The following GALNTL6 variants were observed in gnomAD, a reference collection of about 807,000 sequenced individuals.
GALNTL6 encodes polypeptide N-acetylgalactosaminyltransferase-like 6.
GALNTL6 carries 46 observed loss-of-function variants against 73.7 expected under a neutral mutation model. The ratio of observed to expected loss-of-function variants is 0.62; its 90% CI spans 0.49 to 0.80. The LOEUF (loss-of-function observed/expected upper bound fraction) is 0.80. Ranked by LOEUF, GALNTL6 falls within the 30% of genes least tolerant of loss-of-function variation. The pLI is 0.00. For missense variants in GALNTL6, 604 were observed against 755.0 expected (o/e 0.80, Z 2.34); for synonymous variants, 259 against 263.7 (o/e 0.98, Z 0.17).
intron 2 of GALNTL6, among the ~76,000 whole-genome samples, chr4:171,933,063 C>T (rs117439354): frequency 6.6e-6 from 1 of 152,170 alleles, no homozygotes; most frequent in East Asian, 1.9e-4. Flanking sequence ...TGTGTATATG[C>T]TGTATTAAAT....
chr4:172,024,164 C>T (rs1221308787), intron 2 of GALNTL6, among the ~76,000 whole-genome samples: 7 of 151,796 alleles, frequency 4.6e-5, no homozygotes, highest in Non-Finnish European at 1.0e-4. Flanking sequence ...TTGTTCTCTT[C>T]TTCCTCTATG....
intron 2 of GALNTL6, among the ~76,000 whole-genome samples, chr4:171,939,404 C>T (rs1738454030): frequency 6.6e-6 from 1 of 151,716 alleles, no homozygotes; most frequent in Non-Finnish European, 1.5e-5. Context: ...TTTATTACTC[C>T]TTGCTGTATA....
chr4:171,979,451 T>A (rs368929046), intron 2 of GALNTL6, among the ~76,000 whole-genome samples: 1 of 152,006 alleles, frequency 6.6e-6, no homozygotes, highest in Non-Finnish European at 1.5e-5. Flanking sequence ...GGGCTAGAAA[T>A]TGGACAAAAA....
rs1179464858 is a variant in GALNTL6 at position 171,841,194 on chromosome 4, G to T, written c.138+26476G>T. The stretch of plus-strand genomic sequence containing the variant: ...ATACTTATTTCAATAGGCTGAACAT[G>T]TAATAAAGGTTAAAAATAATGTAGC... On this transcript the variant is annotated intron_variant, in intron 2 of 12. Coordinates refer to ENST00000506823, the MANE Select transcript of GALNTL6 (RefSeq NM_001034845.3). Among the ~76,000 whole-genome samples, 6 of 152,068 alleles carry T rather than the reference G, an allele frequency of 3.9e-5. No individual in the cohort carries two copies. In the South Asian group the frequency reaches 1.0e-3, roughly 26 times the overall value.
chr4:172,728,437 T>G (rs1735953987), intron 5 of GALNTL6, among the ~76,000 whole-genome samples: 1 of 152,136 alleles, frequency 6.6e-6, no homozygotes, highest in Non-Finnish European at 1.5e-5. Context: ...TCCACATTGC[T>G]GAAAAAGACA....
chr4:172,684,512 G>A (rs986816475), intron 5 of GALNTL6, among the ~76,000 whole-genome samples: 3 of 152,118 alleles, frequency 2.0e-5, no homozygotes, highest in Non-Finnish European at 4.4e-5. Flanking sequence ...ACACAAAAAA[G>A]TATATGATTA....
intron 2 of GALNTL6, among the ~76,000 whole-genome samples, chr4:171,902,449 A>T (rs1737126663): frequency 6.6e-6 from 1 of 152,204 alleles, no homozygotes; most frequent in Non-Finnish European, 1.5e-5. Context: ...CAATTTGATG[A>T]CAGGCGAGGA....
At chr4:172,751,927 G>T (rs1474130763) in intron 5 of GALNTL6, among the ~76,000 whole-genome samples, 1 of 151,808 alleles carries the variant, frequency 6.6e-6, no homozygotes, top group East Asian at 1.9e-4. Context: ...TCATGACCCT[G>T]CAAGAACTCT....
intron 2 of GALNTL6, among the ~76,000 whole-genome samples, chr4:172,167,952 C>T (rs1362689471): frequency 1.5e-5 from 2 of 132,678 alleles, no homozygotes; most frequent in African/African-American, 3.0e-5. Flanking sequence ...GGCAACAGAG[C>T]GAGACTCCGT....
chr4:172,074,761 A>G (rs1166668716), intron 2 of GALNTL6, among the ~76,000 whole-genome samples: 1 of 152,198 alleles, frequency 6.6e-6, no homozygotes, highest in African/African-American at 2.4e-5. Flanking sequence ...TCAAATTGCA[A>G]AAACGAGAAT....
At chr4:172,728,519 C>T (rs1735961971) in intron 5 of GALNTL6, among the ~76,000 whole-genome samples, 1 of 150,498 alleles carries the variant, frequency 6.6e-6, no homozygotes, top group South Asian at 2.1e-4. Context: ...TATATATGTA[C>T]ATATACAATG....
intron 2 of GALNTL6, among the ~76,000 whole-genome samples, chr4:171,879,983 A>T (rs1313471252): frequency 1.3e-5 from 2 of 152,198 alleles, no homozygotes; most frequent in East Asian, 3.8e-4. Flanking sequence ...ATAAACAACC[A>T]TTATTGAGGC....
At chr4:171,902,157 C>A (rs1313631863) in intron 2 of GALNTL6, among the ~76,000 whole-genome samples, 4 of 152,014 alleles carry the variant, frequency 2.6e-5, no homozygotes, top group Non-Finnish European at 5.9e-5. Context: ...AGATTTAGTT[C>A]CCATAGGTAA....
chr4:171,838,315 G>T (rs993271975), intron 2 of GALNTL6, among the ~76,000 whole-genome samples: 1 of 151,802 alleles, frequency 6.6e-6, no homozygotes, highest in African/African-American at 2.4e-5. Flanking sequence ...TAGAGAGGGG[G>T]TTTCACCATG....
intron 2 of GALNTL6, among the ~76,000 whole-genome samples, chr4:172,172,791 T>C (rs1479653717): frequency 6.6e-6 from 1 of 152,182 alleles, no homozygotes; most frequent in Non-Finnish European, 1.5e-5. Context: ...CCCTACCCAT[T>C]TGACTGACTA....
At chr4:172,116,356 A>T (rs1487787867) in intron 2 of GALNTL6, among the ~76,000 whole-genome samples, 2 of 152,170 alleles carry the variant, frequency 1.3e-5, no homozygotes, top group Non-Finnish European at 2.9e-5. Context: ...AAAATCCTAC[A>T]ATGTAAGGAA....
chr4:172,065,206 C>T (rs1483372394), intron 2 of GALNTL6, among the ~76,000 whole-genome samples: 1 of 152,072 alleles, frequency 6.6e-6, no homozygotes, highest in East Asian at 1.9e-4. Flanking sequence ...TGCTTCACCT[C>T]AGATTATTAG....
chr4:172,921,287 A>C (rs1174343070), intron 8 of GALNTL6, among the ~76,000 whole-genome samples: 1 of 152,226 alleles, frequency 6.6e-6, no homozygotes, highest in Non-Finnish European at 1.5e-5. Context: ...GCTTCATCTT[A>C]TACCTGATCA....
intron 12 of GALNTL6, among the ~76,000 whole-genome samples, chr4:173,030,542 G>A (rs1305951718): frequency 2.0e-5 from 3 of 152,086 alleles, no homozygotes; most frequent in Admixed American, 1.3e-4. Flanking sequence ...AAACAGAAAA[G>A]AATCTTGTTA....
Sources: allele counts gnomAD v4.1 joint callset (sites outside exome capture counted in the v4.1 genomes callset), GRCh38; gene constraint gnomAD v4.1.1; transcripts MANE v1.5; gene names NCBI Gene and HGNC (gene_info 2026-07-23, HGNC 2026-07-21).